R3HDM1: variants seen among roughly 807,000 people sequenced by gnomAD.
R3HDM1 encodes the protein R3H domain containing 1.
Under a neutral mutation model 141.1 loss-of-function variants are expected in R3HDM1, and 46 were observed. That is an observed-to-expected ratio of 0.33 (90% CI 0.26 to 0.42). The LOEUF (loss-of-function observed/expected upper bound fraction) is 0.42, where lower values mean the gene tolerates loss of function less well. Among genes scored for constraint, R3HDM1 ranks in the 10% least tolerant of loss-of-function variants. The pLI is 1.00. For missense variants in R3HDM1, 1,184 were observed against 1,368.3 expected (o/e 0.87, Z 2.12); for synonymous variants, 435 against 472.9 (o/e 0.92, Z 1.04).
intron 1 of R3HDM1, chr2:135,566,868 AGGCTG>A: frequency 3.3e-6 from 2 of 598,168 alleles, no homozygotes; most frequent in Non-Finnish European, 4.2e-6. Flanking sequence ...GCTACTTGGC[AGGCTG>A]GGGCAGAAGA....
chr2:135,713,053 T>G (rs1473560405), intron 23 of R3HDM1, among the ~76,000 whole-genome samples: 1 of 152,070 alleles, frequency 6.6e-6, no homozygotes, highest in Non-Finnish European at 1.5e-5. Context: ...AAATTAAAAA[T>G]TAGCCAGGTG....
intron 1 of R3HDM1, among the ~76,000 whole-genome samples, chr2:135,584,787 A>C (rs1393624266): frequency 2.0e-5 from 3 of 152,224 alleles, no homozygotes; most frequent in Non-Finnish European, 4.4e-5. Context: ...TTTGAAATGT[A>C]GTAGAAAATA....
chr2:135,668,585 C>G (rs1473899125), intron 19 of R3HDM1, among the ~76,000 whole-genome samples: 4 of 152,092 alleles, frequency 2.6e-5, no homozygotes, highest in Non-Finnish European at 5.9e-5. Context: ...GGCTTTCTAC[C>G]CAGTGTAGTT....
intron 3 of R3HDM1, among the ~76,000 whole-genome samples, chr2:135,609,236 C>G (rs1034661370): frequency 6.6e-6 from 1 of 152,128 alleles, no homozygotes; most frequent in Non-Finnish European, 1.5e-5. Flanking sequence ...TCTACTTTCA[C>G]TAGTTTTCTC....
In R3HDM1 at chr2:135,549,131, A is replaced by G. The variant is rs113636669; in HGVS notation, c.-250+17498A>G. Among the ~76,000 whole-genome samples the G allele has an allele frequency of 1.6e-3, 247 of 152,356 alleles. 4 individuals carry two copies. Among genetic ancestry groups the G allele is most frequent in the African/African-American group, 5.5e-3 (229 of 41,588 alleles). On this transcript the variant is annotated intron_variant, in intron 1 of 26. Transcript: ENST00000683871. ...TGACTTTAGGTAAATAGGTGTTTAT[A>G]TTAATTAGGTGTAATTAAGTATGTA... is the stretch of plus-strand genomic sequence containing the variant.
chr2:135,545,717 C>A (rs1033356508), intron 1 of R3HDM1, among the ~76,000 whole-genome samples: 4 of 152,210 alleles, frequency 2.6e-5, no homozygotes, highest in Admixed American at 6.5e-5. Context: ...ATCATTCCCA[C>A]AGTAGTCTCT....
intron 7 of R3HDM1, among the ~76,000 whole-genome samples, chr2:135,625,416 G>C (rs563062295): frequency 6.6e-6 from 1 of 152,244 alleles, no homozygotes; most frequent in African/African-American, 2.4e-5. Flanking sequence ...TTGCACTCCA[G>C]CCTGGGCAAT....
intron 19 of R3HDM1, 21 bp downstream of exon 19, chr2:135,661,414 C>T (rs1268469931): frequency 6.2e-7 from 1 of 1,612,318 alleles, no homozygotes; most frequent in African/African-American, 1.3e-5. Flanking sequence ...TTTCTTATGT[C>T]ATAACTTCTG....
chr2:135,552,814 T>C (rs1339762479), intron 1 of R3HDM1, among the ~76,000 whole-genome samples: 1 of 152,184 alleles, frequency 6.6e-6, no homozygotes, highest in Non-Finnish European at 1.5e-5. Flanking sequence ...AACCAGGACA[T>C]ATTTTTAAAT....
At chr2:135,695,927 A>T (rs911885190) in intron 21 of R3HDM1, among the ~76,000 whole-genome samples, 1 of 152,248 alleles carries the variant, frequency 6.6e-6, no homozygotes, top group Non-Finnish European at 1.5e-5. Flanking sequence ...TACAGGCTTA[A>T]AAAACAAATA....
intron 1 of R3HDM1, among the ~76,000 whole-genome samples, chr2:135,574,676 A>G (rs961141321): frequency 6.6e-6 from 1 of 152,130 alleles, no homozygotes; most frequent in Non-Finnish European, 1.5e-5. Context: ...ATGTTAGGAT[A>G]CTCATTAACA....
intron 1 of R3HDM1, among the ~76,000 whole-genome samples, chr2:135,588,169 C>G (rs1215396704): frequency 1.3e-5 from 2 of 152,022 alleles, no homozygotes; most frequent in African/African-American, 4.8e-5. Flanking sequence ...CTCTTGCTTT[C>G]CCACTGTGTC....
At chr2:135,671,432 C>T (rs561011952) in intron 19 of R3HDM1, among the ~76,000 whole-genome samples, 6 of 151,970 alleles carry the variant, frequency 3.9e-5, no homozygotes, top group South Asian at 2.1e-4. Context: ...TGCAATGGCG[C>T]GATCTCAGCT....
chr2:135,699,070 A>ACGGAT (rs879665427), intron 21 of R3HDM1, among the ~76,000 whole-genome samples: 2 of 105,994 alleles, frequency 1.9e-5, no homozygotes, highest in Non-Finnish European at 4.6e-5. Context: ...GATTGATTAG[A>ACGGAT]TAGATTAGAT....
intron 1 of R3HDM1, chr2:135,577,251 GAA>G (rs926293354): frequency 2.1e-6 from 2 of 972,276 alleles, no homozygotes; most frequent in Non-Finnish European, 2.4e-6. Flanking sequence ...AAACCGACAT[GAA>G]AAAAAGTCAA....
chr2:135,583,426 T>G (rs1435421453), intron 1 of R3HDM1, among the ~76,000 whole-genome samples: 2 of 152,234 alleles, frequency 1.3e-5, no homozygotes, highest in Non-Finnish European at 2.9e-5. Context: ...ATTGGTGATG[T>G]TAAATTTGAT....
intron 1 of R3HDM1, among the ~76,000 whole-genome samples, chr2:135,580,463 C>A (rs1395835192): frequency 2.0e-5 from 3 of 152,082 alleles, no homozygotes; most frequent in Non-Finnish European, 4.4e-5. Flanking sequence ...GGAATTTGTT[C>A]TAAATAGAAT....
intron 1 of R3HDM1, among the ~76,000 whole-genome samples, chr2:135,562,643 T>C (rs981887254): frequency 6.6e-6 from 1 of 152,230 alleles, no homozygotes; most frequent in Non-Finnish European, 1.5e-5. Context: ...TTCTCAAATT[T>C]ATTTACACCT....
rs560749144 is a variant in R3HDM1, at chr2:135,549,611, C to G, written c.-250+17978C>G. ...AACAAAATGGGGTCTTGCTATATTGCTGAGGCTGAACTGAAACTCCTGGGC... is the reference window on the plus strand; with the variant it reads ...AACAAAATGGGGTCTTGCTATATTGGTGAGGCTGAACTGAAACTCCTGGGC... On this transcript the variant is annotated intron_variant, in intron 1 of 26. Transcript: ENST00000683871. Among the ~76,000 whole-genome samples the G allele has an allele frequency of 5.4e-5, 8 of 148,366 alleles. No individual in the cohort carries two copies. In the East Asian group the frequency reaches 1.6e-3, roughly 30 times the overall value.
Sources: gnomAD v4.1 joint callset for allele counts (sites outside exome capture counted in the v4.1 genomes callset) on GRCh38, gnomAD v4.1.1 for gene constraint, MANE v1.5 for transcripts, NCBI Gene and HGNC (gene_info 2026-07-23, HGNC 2026-07-21) for gene names.